Variants in CAPN14 observed in about 807,000 individuals in gnomAD.
CAPN14 encodes the protein calpain 14, also known as calpain-14.
In CAPN14, 94 loss-of-function variants were observed where a neutral mutation model predicts 101.3. The ratio of observed to expected loss-of-function variants is 0.93; its 90% CI spans 0.79 to 1.10. The LOEUF is 1.10. CAPN14 is among the 50% of genes least tolerant of loss of function. CAPN14 has a pLI of 0.00. For missense variants in CAPN14, 837 were observed against 828.4 expected (o/e 1.01, Z -0.13); for synonymous variants, 338 against 317.9 (o/e 1.06, Z -0.67).
intron 1 of CAPN14, among the ~76,000 whole-genome samples, chr2:31,209,384 C>T (rs376887012): frequency 2.0e-5 from 3 of 152,142 alleles, no homozygotes; most frequent in Non-Finnish European, 4.4e-5. Context: ...CTAGGAAGGG[C>T]GTTATGATGG....
intron 16 of CAPN14, among the ~76,000 whole-genome samples, chr2:31,183,371 A>G (rs1281321956): frequency 6.6e-6 from 1 of 152,242 alleles, no homozygotes; most frequent in Non-Finnish European, 1.5e-5. Context: ...CTGCACAGCA[A>G]AAGAAACTGC....
chr2:31,195,204 G>C (rs536413503), intron 8 of CAPN14, among the ~76,000 whole-genome samples: 202 of 152,300 alleles, frequency 1.3e-3, no homozygotes, highest in Middle Eastern at 6.8e-3. Context: ...CTTCACAGGG[G>C]TTCCCTTGCG....
chr2:31,177,774 C>T lies in CAPN14; in HGVS notation c.1827G>A (p.Glu609=). The change falls in exon 19 of 22, where the codon GAG becomes GAA. Residue 609 remains glutamate (E), a synonymous_variant. Coordinates refer to ENST00000403897, the MANE Select transcript of CAPN14 (RefSeq NM_001145122.2). The part of the protein sequence containing the change: ...QDRGSGYLNW[E]QLHAAMREAG... The stretch of plus-strand genomic sequence containing the variant: ...CCTCCCTCATGGCAGCGTGCAGCTG[C>T]TCCCAGTTCAGGTATCCTGACCCAC... 1 of 1,552,036 alleles carries T rather than the reference C, an allele frequency of 6.4e-7. No individual in the cohort carries two copies. The highest frequency in any genetic ancestry group is 1.4e-5 in the African/African-American group (1 of 73,192).
In CAPN14 at chr2:31,202,378, C is replaced by A. The variant is rs1681838943; in HGVS notation, c.296-126G>T. On this transcript the variant is annotated intron_variant, in intron 3 of 21. Transcript: ENST00000403897. ...CAGTTTAGGAGAAGGGAATTATATACTGGGAAGGCGGATGATGAGTGAGCA... is the reference window on the plus strand; with the variant it reads ...CAGTTTAGGAGAAGGGAATTATATAATGGGAAGGCGGATGATGAGTGAGCA... 8 of 688,312 alleles carry A rather than the reference C, an allele frequency of 1.2e-5. No individual in the cohort carries two copies. In the South Asian group the frequency reaches 1.3e-4, roughly 11 times the overall value. 42.6% of individuals were successfully genotyped at this position (688,312 alleles called of 1,614,324 possible).
intron 12 of CAPN14, among the ~76,000 whole-genome samples, chr2:31,190,701 G>A (rs1325671709): frequency 6.6e-6 from 1 of 152,202 alleles, no homozygotes; most frequent in African/African-American, 2.4e-5. Context: ...AGAGTGTTCA[G>A]TATTCCTGTG....
At chr2:31,176,462 G>A (rs1028797890) in intron 21 of CAPN14, 125 bp downstream of exon 21, 6 of 695,150 alleles carry the variant, frequency 8.6e-6, no homozygotes, top group African/African-American at 1.8e-5. Flanking sequence ...AATGAATGTA[G>A]TGCTCAATTT....
At chr2:31,215,259 T>C (rs1479958010) in intron 1 of CAPN14, among the ~76,000 whole-genome samples, 1 of 127,540 alleles carries the variant, frequency 7.8e-6, no homozygotes, top group East Asian at 3.1e-4. Context: ...AAAGCAGATG[T>C]AAATTCATTC....
Position 31,203,140 on chromosome 2 carries a change from C to T in CAPN14, c.226-1G>A, listed in dbSNP as rs570484260. 1.2e-4 allele frequency: 186 copies of T among 1,551,492 alleles called. 1 individual carries two copies. The South Asian group carries it at 2.1e-3, about 17-fold the overall frequency. ...AAAACTGGGGATTGCTGTGCAGCTC[C>T]TGGGAAAGACAAACAGAATTGTCAT... is the stretch of plus-strand genomic sequence containing the variant. On this transcript the variant is annotated splice_acceptor_variant, in intron 2 of 21. Coordinates refer to ENST00000403897, the MANE Select transcript of CAPN14 (RefSeq NM_001145122.2). LOFTEE classifies it high-confidence loss of function.
upstream of CAPN14, among the ~76,000 whole-genome samples, chr2:31,220,054 A>G (rs776072499): frequency 1.3e-5 from 2 of 152,172 alleles, no homozygotes; most frequent in African/African-American, 4.8e-5. Context: ...AAAGCAATCA[A>G]ATTGAATTCC....
intron 8 of CAPN14, among the ~76,000 whole-genome samples, chr2:31,196,750 C>T (rs1001854215): frequency 3.9e-5 from 6 of 152,128 alleles, no homozygotes; most frequent in Non-Finnish European, 8.8e-5. Flanking sequence ...AATCAGAATG[C>T]CCAGAGGCTA....
At chr2:31,207,951 C>G (rs1247492164) in intron 1 of CAPN14, among the ~76,000 whole-genome samples, 1 of 152,124 alleles carries the variant, frequency 6.6e-6, no homozygotes, top group Non-Finnish European at 1.5e-5. Context: ...GCCTCTTCTG[C>G]CTAATGGCTT....
intron 8 of CAPN14, among the ~76,000 whole-genome samples, chr2:31,195,399 C>T (rs1441569883): frequency 5.3e-5 from 8 of 152,156 alleles, no homozygotes; most frequent in East Asian, 3.9e-4. Context: ...TGCAGTGGTG[C>T]GATCTCAGCT....
intron 17 of CAPN14, 137 bp downstream of exon 17, chr2:31,180,799 C>G: frequency 1.5e-6 from 1 of 683,408 alleles, no homozygotes; most frequent in South Asian, 1.9e-5. Context: ...CATCTGGATA[C>G]ATAATGAGGC....
Position 31,178,024 on chromosome 2 carries a change from T to C in CAPN14, c.1780-203A>G, listed in dbSNP as rs919451967. 3.3e-5 allele frequency among the ~76,000 whole-genome samples: 5 copies of C among 152,196 alleles called. No individual in the cohort carries two copies. The East Asian group carries it at 5.8e-4, about 18-fold the overall frequency. ...CATGTTTCCTACAGAACAAGGCTTC[T>C]GAGAAACAAAAAAGTCTTTTTCTCA... On this transcript the variant is annotated intron_variant, in intron 18 of 21. Coordinates refer to ENST00000403897, the MANE Select transcript of CAPN14 (RefSeq NM_001145122.2).
At chr2:31,232,500 G>T (rs1049501477) in intron 1 of CAPN14, among the ~76,000 whole-genome samples, 6 of 152,194 alleles carry the variant, frequency 3.9e-5, no homozygotes, top group Admixed American at 6.5e-5. Context: ...AAGGAAAAAG[G>T]TTTAATTAAC....
At chr2:31,191,357 G>A (rs13408524) in intron 12 of CAPN14, 42 bp downstream of exon 12, 302,643 of 1,533,578 alleles carry the variant, frequency 0.2, 34,925 homozygotes, top group African/African-American at 0.5. Flanking sequence ...CACATGTGAT[G>A]TCACCCCAAA....
intron 1 of CAPN14, among the ~76,000 whole-genome samples, chr2:31,231,199 T>C (rs1452153581): frequency 6.6e-6 from 1 of 152,138 alleles, no homozygotes; most frequent in Non-Finnish European, 1.5e-5. Context: ...ATCTAAGCTT[T>C]TTTTTACTAT....
intron 16 of CAPN14, among the ~76,000 whole-genome samples, chr2:31,185,091 T>G (rs1162334571): frequency 6.6e-6 from 1 of 152,254 alleles, no homozygotes; most frequent in Non-Finnish European, 1.5e-5. Flanking sequence ...CTGCTATCTA[T>G]TATATTAATG....
intron 10 of CAPN14, 72 bp from the exon 11 acceptor site, chr2:31,192,170 G>A (rs1444044115): frequency 1.4e-6 from 2 of 1,451,454 alleles, no homozygotes; most frequent in Non-Finnish European, 1.8e-6. Flanking sequence ...ACCACTAAGA[G>A]GTGAACAGTC....
Sources: allele counts gnomAD v4.1 joint callset (sites outside exome capture counted in the v4.1 genomes callset), GRCh38; gene constraint gnomAD v4.1.1; transcripts MANE v1.5; gene names NCBI Gene and HGNC (gene_info 2026-07-23, HGNC 2026-07-21).